Variants in TMEM183A observed in about 807,000 individuals in gnomAD.
TMEM183A encodes chromosome 1 open reading frame 37.
TMEM183A carries 21 observed loss-of-function variants against 46.7 expected under a neutral mutation model. That is an observed-to-expected ratio of 0.45 (90% CI 0.32 to 0.65). The LOEUF (loss-of-function observed/expected upper bound fraction) is 0.65. Among genes scored for constraint, TMEM183A ranks in the 30% least tolerant of loss-of-function variants. The probability of loss-of-function intolerance (pLI) is 0.04; values close to 1 mark genes in which losing one functional copy is unlikely to be tolerated. For missense variants in TMEM183A, 331 were observed against 481.9 expected (o/e 0.69, Z 2.93); for synonymous variants, 165 against 180.2 (o/e 0.92, Z 0.68).
At chr1:203,021,059 TCTCA>T (rs1657637939) in intron 7 of TMEM183A, 111 bp downstream of exon 7, 4 of 1,184,912 alleles carry the variant, frequency 3.4e-6, no homozygotes, top group Non-Finnish European at 4.5e-6. Context: ...AGAGACGTGG[TCTCA>T]CTCTGTCACT....
intron 2 of TMEM183A, 134 bp from the exon 3 acceptor site, chr1:203,008,509 C>G: frequency 1.8e-6 from 1 of 545,444 alleles, no homozygotes; most frequent in South Asian, 9.1e-5. Flanking sequence ...TTTTTGGTGA[C>G]AGATTCTCAC....
intron 2 of TMEM183A, among the ~76,000 whole-genome samples, 190 bp from the exon 3 acceptor site, chr1:203,008,453 C>CTTTTTTTT (rs35395088): frequency 9.4e-6 from 1 of 106,104 alleles, no homozygotes; most frequent in Non-Finnish European, 2.0e-5. Context: ...CATTGCTTTC[C>CTTTTTTTT]TTTTTTTTTT....
At chr1:203,010,632 T>C (rs1451354324) in intron 3 of TMEM183A, among the ~76,000 whole-genome samples, 1 of 152,242 alleles carries the variant, frequency 6.6e-6, no homozygotes, top group Non-Finnish European at 1.5e-5. Flanking sequence ...TCGCTACTTA[T>C]CACCATTCTA....
intron 3 of TMEM183A, among the ~76,000 whole-genome samples, chr1:203,012,278 C>CACACACACAT (rs58503894): frequency 2.0e-5 from 3 of 147,160 alleles, no homozygotes; most frequent in African/African-American, 7.5e-5. Context: ...CACACACACA[C>CACACACACAT]GGTTATTTTG....
intron 5 of TMEM183A, 104 bp from the exon 6 acceptor site, chr1:203,018,377 G>C (rs1657362852): frequency 1.5e-6 from 2 of 1,339,116 alleles, no homozygotes; most frequent in East Asian, 4.9e-5. Context: ...GCTGGCTTTA[G>C]AGCTGTCAAA....
At chr1:203,010,543 C>G (rs1267689330) in intron 3 of TMEM183A, among the ~76,000 whole-genome samples, 1 of 152,182 alleles carries the variant, frequency 6.6e-6, no homozygotes, top group Non-Finnish European at 1.5e-5. Context: ...CACCACTGGT[C>G]CTGAGCATTT....
intron 6 of TMEM183A, among the ~76,000 whole-genome samples, chr1:203,020,058 C>T (rs1300804407): frequency 6.6e-6 from 1 of 151,602 alleles, no homozygotes; most frequent in African/African-American, 2.4e-5. Context: ...CACTTGTCTC[C>T]TCTACTTAGT....
In TMEM183A at chr1:203,020,959, A is replaced by G; in HGVS notation, c.945+11A>G. ...ATGATATTTACTCTGGTAAGTGGGG[A>G]CTCAGGATGTCATTCTCAGCTCCTT... On this transcript the variant is annotated intron_variant, in intron 7 of 7. Coordinates refer to ENST00000367242, the MANE Select transcript of TMEM183A (RefSeq NM_138391.6). The G allele has an allele frequency of 6.8e-7, 1 of 1,460,854 alleles. No homozygotes were observed. 90.5% of individuals were successfully genotyped at this position (1,460,854 alleles called of 1,614,324 possible).
intron 7 of TMEM183A, 58 bp from the exon 8 acceptor site, chr1:203,022,797 G>A (rs1657824156): frequency 3.7e-6 from 6 of 1,608,992 alleles, no homozygotes; most frequent in Middle Eastern, 1.7e-4. Context: ...ATTTCAGAGT[G>A]AGCTCTTGGA....
At chr1:203,014,829 T>G (rs1657006306) in intron 3 of TMEM183A, 60 bp from the exon 4 acceptor site, 1 of 1,588,298 alleles carries the variant, frequency 6.3e-7, no homozygotes, top group Non-Finnish European at 8.6e-7. Context: ...AGAAATGAAA[T>G]TATCGAGTAT....
chr1:203,015,905 C>A (rs531529298), intron 4 of TMEM183A, 55 bp from the exon 5 acceptor site: 5 of 1,580,644 alleles, frequency 3.2e-6, no homozygotes, highest in Non-Finnish European at 4.3e-6. Context: ...AGAAAACTGA[C>A]CTAGAGCAGG....
At chr1:203,020,981 CCT>C in intron 7 of TMEM183A, 33 bp downstream of exon 7, 6 of 1,271,968 alleles carry the variant, frequency 4.7e-6, no homozygotes, top group South Asian at 3.5e-5. Context: ...ATTCTCAGCT[CCT>C]TTTTTTTTTT....
chr1:203,008,094 T>C (rs1656158580), intron 2 of TMEM183A, among the ~76,000 whole-genome samples: 1 of 152,246 alleles, frequency 6.6e-6, no homozygotes, highest in South Asian at 2.1e-4. Context: ...CTTTTTAGTT[T>C]CCACTGCATT....
intron 7 of TMEM183A, 33 bp downstream of exon 7, chr1:203,020,981 CCTTT>C: frequency 7.9e-7 from 1 of 1,271,972 alleles, no homozygotes. Flanking sequence ...ATTCTCAGCT[CCTTT>C]TTTTTTTTTT....
At chr1:203,008,853 G>A (rs371367490) in intron 3 of TMEM183A, 43 bp downstream of exon 3, 9 of 1,501,222 alleles carry the variant, frequency 6.0e-6, no homozygotes, top group Non-Finnish European at 8.0e-6. Flanking sequence ...CCTGCCTGTG[G>A]TGACAAATTG....
chr1:203,023,204 AAAC>A lies in TMEM183A; in HGVS notation c.*168_*170del, dbSNP rs1455439151. On this transcript the variant is annotated 3_prime_UTR_variant, in exon 8 of 8. Coordinates refer to ENST00000367242, the MANE Select transcript of TMEM183A (RefSeq NM_138391.6). ...GGGAGAAATGTTGAATCAAGAGGGA[AAAC>A]AACTACTATGATTTATAAACATATT... The A allele has an allele frequency of 1.8e-6, 1 of 544,194 alleles. No individual in the cohort carries two copies. The highest frequency in any genetic ancestry group is 1.9e-5 in the African/African-American group (1 of 52,622). 33.7% of individuals were successfully genotyped at this position (544,194 alleles called of 1,614,324 possible).
In TMEM183A at chr1:203,008,766, A is replaced by T. The variant is rs140154702; in HGVS notation, c.323A>T (p.His108Leu). ...ATGGATGCCCAGGAGGAAAGCATCC[A>T]TGAGAGAACTGTCTCCAGAAAAAAG... ...DEMDAQEESI[H>L]ERTVSRKKKS... Residue 108 changes from histidine to leucine, a missense_variant, in exon 3 of 8, where the codon CAT becomes CTT. His to Leu is a moderately conservative substitution (Grantham distance 99, BLOSUM62 -3). Transcript: ENST00000367242. The T allele has an allele frequency of 9.7e-5, 156 of 1,609,024 alleles. No homozygotes were observed. The highest frequency in any genetic ancestry group is 1.3e-4 in the Non-Finnish European group (150 of 1,177,788).
intron 5 of TMEM183A, among the ~76,000 whole-genome samples, chr1:203,016,918 A>T (rs1180348040): frequency 6.6e-6 from 1 of 152,246 alleles, no homozygotes; most frequent in East Asian, 1.9e-4. Context: ...TTCCTACCCC[A>T]AATCTGATGT....
chr1:203,009,994 C>T (rs761083768), intron 3 of TMEM183A, among the ~76,000 whole-genome samples: 5 of 151,738 alleles, frequency 3.3e-5, no homozygotes, highest in African/African-American at 4.8e-5. Flanking sequence ...ATTAGCTGGG[C>T]GTGGTGGTGT....
Sources: gnomAD v4.1 joint callset for allele counts (sites outside exome capture counted in the v4.1 genomes callset) on GRCh38, gnomAD v4.1.1 for gene constraint, MANE v1.5 for transcripts, NCBI Gene and HGNC (gene_info 2026-07-23, HGNC 2026-07-21) for gene names.